SLC38A6: variants seen among roughly 807,000 people sequenced by gnomAD.
The protein encoded by SLC38A6 is solute carrier family 38 member 6.
A neutral mutation model predicts 65.0 loss-of-function variants in SLC38A6; 73 were observed. The observed-to-expected ratio is 1.12, with a 90% CI of 0.93 to 1.37. The LOEUF (loss-of-function observed/expected upper bound fraction) is 1.37, where lower values mean the gene tolerates loss of function less well. Among genes scored for constraint, SLC38A6 ranks in the 40% most tolerant of loss-of-function variants. SLC38A6 has a pLI of 0.00. For synonymous variants in SLC38A6, 183 were observed against 178.8 expected, an observed-to-expected ratio of 1.02 and a Z score of -0.19; for missense variants, 561 against 531.1, an observed-to-expected ratio of 1.06 and a Z score of -0.55.
downstream of SLC38A6, among the ~76,000 whole-genome samples, chr14:61,054,645 G>T (rs2042644545): frequency 6.6e-6 from 1 of 152,152 alleles, no homozygotes; most frequent in Non-Finnish European, 1.5e-5. Flanking sequence ...AATTGTGAAT[G>T]GGATTGTCTG....
intron 15 of SLC38A6, among the ~76,000 whole-genome samples, chr14:61,067,714 C>T (rs182855515): frequency 2.6e-5 from 4 of 151,178 alleles, no homozygotes; most frequent in African/African-American, 9.7e-5. Context: ...CACACACACA[C>T]ATATATATAT....
chr14:61,010,441 G>A (rs988602101), intron 3 of SLC38A6, among the ~76,000 whole-genome samples: 5 of 152,156 alleles, frequency 3.3e-5, no homozygotes, highest in East Asian at 1.9e-4. Context: ...TTTTAGACAC[G>A]AAGTCCTTAA....
At chr14:61,004,408 C>T (rs1738999747) in intron 3 of SLC38A6, 1 of 152,044 alleles carries the variant, frequency 6.6e-6, no homozygotes, top group Non-Finnish European at 1.5e-5. Context: ...CACTGAAAAG[C>T]CTTCTTGCTC....
intron 3 of SLC38A6, among the ~76,000 whole-genome samples, chr14:61,008,193 G>A (rs1263055289): frequency 1.3e-5 from 2 of 152,074 alleles, no homozygotes; most frequent in African/African-American, 4.8e-5. Flanking sequence ...TTAGAAAAGG[G>A]CTGTATCATT....
chr14:60,993,207 A>G (rs1264858887), intron 3 of SLC38A6, among the ~76,000 whole-genome samples: 2 of 152,204 alleles, frequency 1.3e-5, no homozygotes, highest in African/African-American at 2.4e-5. Flanking sequence ...TGCATGTATT[A>G]TTCTCACAAT....
intron 3 of SLC38A6, among the ~76,000 whole-genome samples, chr14:61,006,596 A>G (rs2039139143): frequency 6.6e-6 from 1 of 152,246 alleles, no homozygotes. Flanking sequence ...ACTGGCCATC[A>G]GAGAAATGCA....
rs79065487 is a variant in SLC38A6 at position 61,067,550 on chromosome 14, A to G, written c.1291-11260A>G. ...TATTATCCACATATTTTGACTTTAC[A>G]TCAGCATTTTTAGCAATGACATTAC... On this transcript the variant is annotated intron_variant, in intron 15 of 16. Transcript: ENST00000354886. Among the ~76,000 whole-genome samples the G allele has an allele frequency of 3.1e-3, 476 of 152,288 alleles. 1 individual carries two copies. The highest frequency in any genetic ancestry group is 0.011 in the African/African-American group (451 of 41,564).
At chr14:61,012,498 C>T (rs900527275) in intron 3 of SLC38A6, among the ~76,000 whole-genome samples, 1 of 152,094 alleles carries the variant, frequency 6.6e-6, no homozygotes, top group African/African-American at 2.4e-5. Context: ...TTAGATCTTT[C>T]CTGCTTTCTC....
chr14:61,080,108 TAACAAC>T (rs930861374), intron 16 of SLC38A6, among the ~76,000 whole-genome samples: 1 of 152,128 alleles, frequency 6.6e-6, no homozygotes, highest in East Asian at 1.9e-4. Context: ...TAAAAGGCAA[TAACAAC>T]AACAACAACA....
At chr14:61,076,564 G>T (rs10143062) in intron 15 of SLC38A6, among the ~76,000 whole-genome samples, 2 of 152,226 alleles carry the variant, frequency 1.3e-5, no homozygotes, top group African/African-American at 4.8e-5. Context: ...TATAAAGGCT[G>T]TGTGCTTAAT....
At chr14:61,064,577 C>T (rs1447877334) in intron 15 of SLC38A6, among the ~76,000 whole-genome samples, 1 of 146,728 alleles carries the variant, frequency 6.8e-6, no homozygotes, top group African/African-American at 2.5e-5. Context: ...TATCTAGTTG[C>T]CTGTTTTGAG....
At chr14:61,014,971 G>A (rs900274647) in intron 3 of SLC38A6, among the ~76,000 whole-genome samples, 4 of 152,216 alleles carry the variant, frequency 2.6e-5, no homozygotes, top group African/African-American at 9.6e-5. Context: ...GCTATGCCCT[G>A]CCCCTAGAGG....
chr14:61,043,820 A>G (rs2041964903), intron 10 of SLC38A6, among the ~76,000 whole-genome samples: 1 of 151,568 alleles, frequency 6.6e-6, no homozygotes, highest in African/African-American at 2.4e-5. Context: ...GTGTATACCA[A>G]CTTCCTGTTG....
chr14:61,082,375 G>C (rs1171783348), intron 16 of SLC38A6, among the ~76,000 whole-genome samples: 4 of 152,108 alleles, frequency 2.6e-5, no homozygotes, highest in Admixed American at 2.0e-4. Flanking sequence ...AAGACCTGTT[G>C]CCATGATGGG....
rs2042131818 is a variant in SLC38A6, at chr14:61,046,110, G to A, written c.868G>A (p.Ala290Thr). ...GCAGAATGTTACCAATACAGCAATT[G>A]CTTTAAGTTTTCTCATTTATTTTAT... ...RMQNVTNTAIALSFLIYFISA... is the reference protein window; with the variant it reads ...RMQNVTNTAITLSFLIYFISA... Residue 290 changes from alanine (A) to threonine (T), a missense_variant, in exon 12 of 16, where the codon GCT (alanine) becomes ACT (threonine). By Grantham distance (58) the Ala-to-Thr change is moderately conservative. Transcript: ENST00000267488. 5 of 1,611,736 alleles carry A rather than the reference G, an allele frequency of 3.1e-6. No individual in the cohort carries two copies. The highest frequency in any genetic ancestry group is 4.2e-6 in the Non-Finnish European group (5 of 1,178,548).
chr14:61,041,580 C>T (rs1353193056), intron 8 of SLC38A6, among the ~76,000 whole-genome samples: 1 of 152,092 alleles, frequency 6.6e-6, no homozygotes, highest in Non-Finnish European at 1.5e-5. Context: ...GCCAACACTA[C>T]CACTGTTAGT....
intron 12 of SLC38A6, among the ~76,000 whole-genome samples, chr14:61,046,627 A>T (rs184523924): frequency 2.6e-5 from 4 of 152,330 alleles, no homozygotes; most frequent in Admixed American, 2.6e-4. Context: ...CTGCCTTCAG[A>T]TCTAATTATC....
intron 12 of SLC38A6, among the ~76,000 whole-genome samples, chr14:61,049,367 T>C (rs1400110257): frequency 1.3e-5 from 2 of 152,196 alleles, no homozygotes; most frequent in African/African-American, 2.4e-5. Context: ...TTTGTGCTGC[T>C]CCTTGCTTCT....
chr14:61,075,175 G>A (rs1195719197), intron 15 of SLC38A6, among the ~76,000 whole-genome samples: 3 of 152,122 alleles, frequency 2.0e-5, no homozygotes, highest in Non-Finnish European at 4.4e-5. Context: ...AGTGGCTGAC[G>A]GGCATTTTAA....
Sources: allele counts gnomAD v4.1 joint callset (sites outside exome capture counted in the v4.1 genomes callset), GRCh38; gene constraint gnomAD v4.1.1; transcripts MANE v1.5; gene names NCBI Gene and HGNC (gene_info 2026-07-23, HGNC 2026-07-21).